Variants in IRF6 observed in about 807,000 individuals in gnomAD.
IRF6 encodes the protein Van der Woude syndrome.
Under a neutral mutation model 51.4 loss-of-function variants are expected in IRF6, and 6 were observed. That is an observed-to-expected ratio of 0.12 (90% CI 0.06 to 0.23). IRF6 has a LOEUF of 0.23. Ranked by LOEUF, IRF6 falls within the 10% of genes least tolerant of loss-of-function variation. IRF6 has a pLI of 1.00. For synonymous variants in IRF6, 178 were observed against 215.7 expected (o/e 0.83, Z 1.53); for missense variants, 348 against 585.2 (o/e 0.59, Z 4.18).
intron 3 of IRF6, among the ~76,000 whole-genome samples, chr1:209,799,429 G>A (rs947136161): frequency 6.6e-6 from 1 of 152,188 alleles, no homozygotes; most frequent in African/African-American, 2.4e-5. Context: ...TTACAGGGTT[G>A]TCACGAGAAT....
In IRF6 at chr1:209,796,655, AC is replaced by A; in HGVS notation, c.175-104del. On this transcript the variant is annotated intron_variant, in intron 3 of 8. Transcript: ENST00000367021. The surrounding 1 kb of genome is among the most constrained non-coding windows in gnomAD (Gnocchi z 4.5). ...CACAAACACACACACACACACACAC[AC>A]ACACACACACACACACACACAACTT... 1.3e-6 allele frequency: 1 copy of A among 784,784 alleles called. No individual in the cohort carries two copies. Among genetic ancestry groups the A allele is most frequent in the Non-Finnish European group, 2.2e-6 (1 of 461,956 alleles). The allele number at this position is 784,784 out of a possible 1,614,324, so 48.6% of individuals were successfully genotyped here.
At chr1:209,800,082 T>A in intron 3 of IRF6, among the ~76,000 whole-genome samples, 1 of 152,214 alleles carries the variant, frequency 6.6e-6, no homozygotes, top group East Asian at 1.9e-4. Flanking sequence ...TTGTGACTTC[T>A]AGCTTATACT....
At chr1:209,791,567 T>A (rs2077869393) in intron 6 of IRF6, among the ~76,000 whole-genome samples, 1 of 151,992 alleles carries the variant, frequency 6.6e-6, no homozygotes, top group Non-Finnish European at 1.5e-5. Flanking sequence ...CAGAAAGAGG[T>A]TTTTTTCTGT....
At position 209,801,300 on chromosome 1, in the gene IRF6, A is replaced by C. The variant is rs368415169; in HGVS notation, c.114T>G (p.Ile38Met). 2 of 1,613,840 alleles carry C rather than the reference A, an allele frequency of 1.2e-6. No individual in the cohort carries two copies. The highest frequency in any genetic ancestry group is 1.7e-6 in the Non-Finnish European group (2 of 1,179,942). The change falls in exon 3 of 9, where the codon ATT becomes ATG. Residue 38 changes from isoleucine (I) to methionine (M), a missense_variant. Around this residue, in one of 5 missense-constraint regions of IRF6, gnomAD observed 48 missense variants for 128.1 expected, o/e 0.37. Coordinates refer to ENST00000367021, the MANE Select transcript of IRF6 (RefSeq NM_006147.4). The part of the protein sequence containing the change: ...WLHRDSKRFQ[I>M]PWKHATRHSP... ...TATGCCGGGTGGCATGTTTCCAGGGAATCTGGAAGCGTTTAGAGTCCCTGT... is the reference window on the plus strand; with the variant it reads ...TATGCCGGGTGGCATGTTTCCAGGGCATCTGGAAGCGTTTAGAGTCCCTGT...
At chr1:209,795,690 C>T (rs2077896929) in intron 4 of IRF6, among the ~76,000 whole-genome samples, 1 of 152,236 alleles carries the variant, frequency 6.6e-6, no homozygotes, top group African/African-American at 2.4e-5. Flanking sequence ...AGGAGATATT[C>T]TCTTAGTCAA....
chr1:209,788,664 C>T lies in IRF6; in HGVS notation c.1180-20G>A, dbSNP rs994513738. On this transcript the variant is annotated intron_variant, in intron 8 of 8. Coordinates refer to ENST00000367021, the MANE Select transcript of IRF6 (RefSeq NM_006147.4). ...AATGACCTGTTCAGGACACAGAACA[C>T]AGGTGTATCCTCTGAGGAAAAGGTA... 1.9e-6 allele frequency: 3 copies of T among 1,581,700 alleles called. No homozygotes were observed. Among genetic ancestry groups the T allele is most frequent in the Non-Finnish European group, 2.6e-6 (3 of 1,150,632 alleles).
intron 3 of IRF6, among the ~76,000 whole-genome samples, chr1:209,799,819 T>G (rs1296971800): frequency 6.6e-6 from 1 of 152,268 alleles, no homozygotes; most frequent in Admixed American, 6.5e-5. Context: ...GTACTAACCT[T>G]ATCAACTTTT....
At chr1:209,791,938 G>C (rs926348) in intron 6 of IRF6, among the ~76,000 whole-genome samples, 55,467 of 151,830 alleles carry the variant, frequency 0.37, 10,508 homozygotes, top group East Asian at 0.56. Flanking sequence ...GGCATGCACT[G>C]CCATGCCCAG....
Position 209,785,768 on chromosome 1 carries a change from C to T in IRF6, c.*2652G>A, listed in dbSNP as rs541039220. ...CAGACACTGTTCTAAGGACTGGCAG[C>T]GAAGTCCAAGACAAACAGTCCCTAC... is the stretch of plus-strand genomic sequence containing the variant. On this transcript the variant is annotated 3_prime_UTR_variant, in exon 9 of 9. Transcript: ENST00000367021. 6 of 152,290 alleles carry T rather than the reference C, an allele frequency of 3.9e-5. No individual in the cohort carries two copies. Among genetic ancestry groups the T allele is most frequent in the African/African-American group, 1.2e-4 (5 of 41,552 alleles). The allele number at this position is 152,290 out of a possible 1,614,324, so 9.4% of individuals were successfully genotyped here.
At chr1:209,791,161 G>C (rs1372734409) in intron 6 of IRF6, 1 of 568,648 alleles carries the variant, frequency 1.8e-6, no homozygotes, top group Non-Finnish European at 2.2e-6. Flanking sequence ...CAAGTAAAGT[G>C]GTCCTGGTGT....
chr1:209,800,836 A>G (rs1238954841), intron 3 of IRF6, among the ~76,000 whole-genome samples: 2 of 152,166 alleles, frequency 1.3e-5, no homozygotes, highest in Non-Finnish European at 2.9e-5. Context: ...CGTGCCTGCT[A>G]ACACCTGATA....
At chr1:209,794,998 G>T (rs1370966378) in intron 5 of IRF6, among the ~76,000 whole-genome samples, 2 of 152,212 alleles carry the variant, frequency 1.3e-5, no homozygotes, top group African/African-American at 4.8e-5. Flanking sequence ...ATGTGTAACT[G>T]ATGATATATT....
intron 4 of IRF6, among the ~76,000 whole-genome samples, chr1:209,795,950 CTG>C (rs1217658747): frequency 6.6e-6 from 1 of 152,066 alleles, no homozygotes; most frequent in Non-Finnish European, 1.5e-5. Context: ...GTTGAAGAAA[CTG>C]AGGCTTACAA....
At chr1:209,791,075 G>T (rs2077866249) in intron 6 of IRF6, 188 bp from the exon 7 acceptor site, 1 of 984,458 alleles carries the variant, frequency 1.0e-6, no homozygotes, top group African/African-American at 1.7e-5. Flanking sequence ...TCAAAAGGCT[G>T]CCTGAAAGCA....
At chr1:209,803,110 C>A (rs1232197663) in intron 1 of IRF6, among the ~76,000 whole-genome samples, 1 of 152,158 alleles carries the variant, frequency 6.6e-6, no homozygotes, top group African/African-American at 2.4e-5. Flanking sequence ...TTTTGTAGGG[C>A]AGCATGTGAA....
At chr1:209,798,596 G>A (rs1159466875) in intron 3 of IRF6, among the ~76,000 whole-genome samples, 13 of 152,162 alleles carry the variant, frequency 8.5e-5, no homozygotes, top group Non-Finnish European at 1.6e-4. Context: ...GAGCCGTATC[G>A]TTTAAGACTG....
chr1:209,789,373 G>GTGTGTA (rs907592094), intron 8 of IRF6, among the ~76,000 whole-genome samples: 12 of 150,084 alleles, frequency 8.0e-5, no homozygotes, highest in African/African-American at 2.9e-4. Context: ...GTGTGTGTGT[G>GTGTGTA]TGTATTTGTG....
chr1:209,796,815 C>A lies in IRF6; in HGVS notation c.175-263G>T, dbSNP rs2077904941. On this transcript the variant is annotated intron_variant, in intron 3 of 8. Coordinates refer to ENST00000367021, the MANE Select transcript of IRF6 (RefSeq NM_006147.4). This position sits in a 1 kb window ranked among gnomAD's most constrained non-coding sequence, Gnocchi z 4.5. The stretch of plus-strand genomic sequence containing the variant: ...AAACACAATATATTAAAAGGAGGAA[C>A]CTTATCTCAAGCACTGGTACCGGCA... Among the ~76,000 whole-genome samples the A allele has an allele frequency of 6.6e-6, 1 of 152,178 alleles. No homozygotes were observed. Among genetic ancestry groups the A allele is most frequent in the South Asian group, 2.1e-4 (1 of 4,834 alleles).
chr1:209,789,078 C>A (rs2102535306), intron 8 of IRF6, among the ~76,000 whole-genome samples: 1 of 152,322 alleles, frequency 6.6e-6, no homozygotes, highest in South Asian at 2.1e-4. Flanking sequence ...ATAATCCCAG[C>A]ATTTTGGGAG....
Sources: allele counts gnomAD v4.1 joint callset (sites outside exome capture counted in the v4.1 genomes callset), GRCh38; gene constraint gnomAD v4.1.1; regional missense constraint gnomAD v4.1.1; non-coding constraint Gnocchi (gnomAD v3.1); transcripts MANE v1.5; gene names NCBI Gene and HGNC (gene_info 2026-07-23, HGNC 2026-07-21).